SLCO2B1: variants seen among roughly 807,000 people sequenced by gnomAD.
SLCO2B1 encodes OATP-RP2.
A neutral mutation model predicts 67.3 loss-of-function variants in SLCO2B1; 41 were observed. The ratio of observed to expected loss-of-function variants is 0.61; its 90% CI spans 0.47 to 0.79. The LOEUF is 0.79. Ranked by LOEUF, SLCO2B1 falls within the 30% of genes least tolerant of loss-of-function variation. The probability of loss-of-function intolerance (pLI) is 0.00; values close to 1 mark genes in which losing one functional copy is unlikely to be tolerated. For synonymous variants in SLCO2B1, 379 were observed against 381.4 expected, an observed-to-expected ratio of 0.99 and a Z score of 0.07; for missense variants, 837 against 920.1, an observed-to-expected ratio of 0.91 and a Z score of 1.17.
rs566037971 is a variant in SLCO2B1, at chr11:75,205,091, A to G, written c.*511A>G. The stretch of plus-strand genomic sequence containing the variant: ...ACACTCAGCTCTCCTCCCCAACTCC[A>G]GCAGCCTTTAAGAAGTGTCCCTTTG... On this transcript the variant is annotated 3_prime_UTR_variant, in exon 14 of 14. Coordinates refer to ENST00000289575, the MANE Select transcript of SLCO2B1 (RefSeq NM_007256.5). The G allele has an allele frequency of 1.3e-5, 2 of 152,800 alleles. No homozygotes were observed. Among genetic ancestry groups the G allele is most frequent in the East Asian group, 1.9e-4 (1 of 5,192 alleles). The allele number at this position is 152,800 out of a possible 1,614,324, so 9.5% of individuals were successfully genotyped here. A position where few individuals can be genotyped will look rare whatever the true frequency, so the allele number is the denominator to read the frequency against.
At chr11:75,163,519 T>G (rs1239998041) in intron 2 of SLCO2B1, among the ~76,000 whole-genome samples, 1 of 151,874 alleles carries the variant, frequency 6.6e-6, no homozygotes, top group African/African-American at 2.4e-5. Flanking sequence ...AGGGGCAGGA[T>G]GGTGGAACTG....
At chr11:75,203,638 G>C in intron 13 of SLCO2B1, 1 of 590,508 alleles carries the variant, frequency 1.7e-6, no homozygotes, top group Non-Finnish European at 2.9e-6. Flanking sequence ...AAAGCAAGTA[G>C]CCCAAGGTCA....
intron 6 of SLCO2B1, among the ~76,000 whole-genome samples, chr11:75,171,199 G>C (rs1187670874): frequency 6.6e-6 from 1 of 152,184 alleles, no homozygotes; most frequent in African/African-American, 2.4e-5. Context: ...CCTGGGAGGA[G>C]CTTAGGATCA....
rs572935560 is a variant in SLCO2B1, at chr11:75,184,197, C to T, written c.973-3939C>T. Among the ~76,000 whole-genome samples the T allele has an allele frequency of 3.0e-3, 456 of 152,270 alleles. 3 individuals are homozygous for T. Among genetic ancestry groups the T allele is most frequent in the Non-Finnish European group, 5.5e-3 (373 of 68,020 alleles). On this transcript the variant is annotated intron_variant, in intron 7 of 13. Coordinates refer to ENST00000289575, the MANE Select transcript of SLCO2B1 (RefSeq NM_007256.5). ...CACTTCTGGTTAGAACCATCTCTTG[C>T]GCTCCTCTTGCAATTGATATTTACT... is the stretch of plus-strand genomic sequence containing the variant.
chr11:75,164,207 T>A, intron 3 of SLCO2B1, 107 bp downstream of exon 3: 1 of 1,240,920 alleles, frequency 8.1e-7, no homozygotes, highest in Non-Finnish European at 1.1e-6. Flanking sequence ...CCCCTCCCAG[T>A]GCCCTCAGGC....
intron 11 of SLCO2B1, 67 bp from the exon 12 acceptor site, chr11:75,202,834 G>A (rs1217602516): frequency 5.8e-6 from 8 of 1,382,706 alleles, no homozygotes; most frequent in South Asian, 3.5e-5. Flanking sequence ...ACCCTTCAAC[G>A]TTGATGCATG....
intron 10 of SLCO2B1, chr11:75,199,959 CTCT>C (rs1384061421): frequency 3.7e-5 from 18 of 486,196 alleles, no homozygotes; most frequent in African/African-American, 9.9e-5. Flanking sequence ...GGCTCCCTCC[CTCT>C]TCTTCTCTAC....
chr11:75,186,114 G>A (rs1444657818), intron 7 of SLCO2B1, among the ~76,000 whole-genome samples: 1 of 151,872 alleles, frequency 6.6e-6, no homozygotes, highest in Non-Finnish European at 1.5e-5. Context: ...TGATTCTAAC[G>A]CCTCTGACAA....
At chr11:75,153,631 A>G (rs1183949495) in intron 1 of SLCO2B1, among the ~76,000 whole-genome samples, 1 of 152,182 alleles carries the variant, frequency 6.6e-6, no homozygotes, top group Non-Finnish European at 1.5e-5. Context: ...GGAAGGAGAT[A>G]GCACTGCAAA....
intron 1 of SLCO2B1, among the ~76,000 whole-genome samples, chr11:75,151,631 A>C (rs891651069): frequency 6.6e-6 from 1 of 152,190 alleles, no homozygotes. Flanking sequence ...ACCCAGCCAA[A>C]CCTCGTTGAT....
chr11:75,182,095 C>CT (rs2140326333), intron 7 of SLCO2B1, among the ~76,000 whole-genome samples: 1 of 152,330 alleles, frequency 6.6e-6, no homozygotes, highest in East Asian at 1.9e-4. Flanking sequence ...GGTGTCCCCA[C>CT]TGTGTCCTGC....
chr11:75,200,614 C>T, intron 11 of SLCO2B1: 1 of 471,258 alleles, frequency 2.1e-6, no homozygotes, highest in South Asian at 3.9e-5. Context: ...GGAGCTGGCC[C>T]CCATCACATA....
intron 11 of SLCO2B1, chr11:75,200,712 C>T (rs1945169321): frequency 4.2e-6 from 1 of 238,714 alleles, no homozygotes; most frequent in East Asian, 8.5e-5. Context: ...ACCTAGGGCC[C>T]TGTCCTGGCC....
At chr11:75,196,061 C>T (rs1160053253) in intron 9 of SLCO2B1, among the ~76,000 whole-genome samples, 1 of 152,204 alleles carries the variant, frequency 6.6e-6, no homozygotes, top group African/African-American at 2.4e-5. Context: ...GGCAGAGAAA[C>T]TGAGGCCCAG....
Position 75,196,516 on chromosome 11 carries a change from C to T in SLCO2B1, c.1436C>T (p.Ala479Val), listed in dbSNP as rs940957018. 6.2e-7 allele frequency: 1 copy of T among 1,612,794 alleles called. No individual in the cohort carries two copies. Among genetic ancestry groups the T allele is most frequent in the South Asian group, 1.1e-5 (1 of 90,890 alleles). Residue 479 changes from alanine to valine, a missense_variant and splice_region_variant, in exon 10 of 14, where the codon GCC becomes GTC. Ala to Val is a moderately conservative substitution (Grantham distance 64). Transcript: ENST00000289575. ...CTACTGGTCTTCTCTCCCACCAGTGCCCACCCTGGGCTGGAGCTGTCTCCA... is the reference window on the plus strand; with the variant it reads ...CTACTGGTCTTCTCTCCCACCAGTGTCCACCCTGGGCTGGAGCTGTCTCCA... ...QIAGITHQTS[A>V]HPGLELSPSC...
At chr11:75,182,611 G>A (rs1374952090) in intron 7 of SLCO2B1, among the ~76,000 whole-genome samples, 8 of 152,050 alleles carry the variant, frequency 5.3e-5, no homozygotes, top group Non-Finnish European at 7.4e-5. Flanking sequence ...GTGTGGTGGC[G>A]TGTGCTTGTA....
intron 7 of SLCO2B1, among the ~76,000 whole-genome samples, chr11:75,173,144 G>A (rs941142142): frequency 2.0e-5 from 3 of 152,142 alleles, no homozygotes; most frequent in Non-Finnish European, 4.4e-5. Context: ...CTGAGCCCAT[G>A]CCCCCATACT....
chr11:75,199,914 T>C (rs1945156203), intron 10 of SLCO2B1: 2 of 367,768 alleles, frequency 5.4e-6, no homozygotes, highest in African/African-American at 2.1e-5. Context: ...TTTCTTACAG[T>C]TGGTGTGTAG....
intron 6 of SLCO2B1, 128 bp downstream of exon 6, chr11:75,169,892 C>A: frequency 1.5e-6 from 1 of 671,144 alleles, no homozygotes; most frequent in Non-Finnish European, 2.6e-6. Context: ...GTCTCTTAGC[C>A]TCTCTGAACC....
Sources: gnomAD v4.1 joint callset for allele counts (sites outside exome capture counted in the v4.1 genomes callset) on GRCh38, gnomAD v4.1.1 for gene constraint, MANE v1.5 for transcripts, NCBI Gene and HGNC (gene_info 2026-07-23, HGNC 2026-07-21) for gene names.